Variants in PPARGC1B observed in about 807,000 individuals in gnomAD.
PPARGC1B encodes the protein peroxisome proliferator-activated receptor gamma coactivator 1-beta.
In PPARGC1B, 34 loss-of-function variants were observed where a neutral mutation model predicts 101.6. The ratio of observed to expected loss-of-function variants is 0.33; its 90% CI spans 0.25 to 0.45. The LOEUF is 0.45. PPARGC1B is among the 20% of genes least tolerant of loss of function. The probability of loss-of-function intolerance (pLI) is 1.00; values close to 1 mark genes in which losing one functional copy is unlikely to be tolerated. For missense variants in PPARGC1B, 1,234 were observed against 1,317.6 expected, an observed-to-expected ratio of 0.94 and a Z score of 0.98; for synonymous variants, 548 against 539.3, an observed-to-expected ratio of 1.02 and a Z score of -0.22.
chr5:149,743,205 G>C (rs1163763956), intron 1 of PPARGC1B, among the ~76,000 whole-genome samples: 1 of 150,532 alleles, frequency 6.6e-6, no homozygotes, highest in Non-Finnish European at 1.5e-5. Context: ...GCCCAGGCTG[G>C]AGTGCAGTGG....
Position 149,833,350 on chromosome 5 carries a change from T to A in PPARGC1B, c.1277T>A (p.Leu426Gln), listed in dbSNP as rs762077628. ...AGGGAGGTCCGCCGGCCTGCCAGAC[T>A]GCAGCAGCAGGAGGAGGAAGACGAG... Reference protein sequence around the residue: ...VKREVRRPARLQQQEEEDEEE... With the variant: ...VKREVRRPARQQQQEEEDEEE... The change falls in exon 5 of 12, where the codon CTG (leucine) becomes CAG (glutamine). Residue 426 changes from leucine to glutamine, a missense_variant. By Grantham distance (113) the Leu-to-Gln change is moderately radical (BLOSUM62 -2). Coordinates refer to ENST00000309241, the MANE Select transcript of PPARGC1B (RefSeq NM_133263.4). This position sits in a 1 kb window ranked among gnomAD's most constrained non-coding sequence, Gnocchi z 4.1. 1 of 1,613,122 alleles carries A rather than the reference T, an allele frequency of 6.2e-7. No homozygotes were observed. Among genetic ancestry groups the A allele is most frequent in the South Asian group, 1.1e-5 (1 of 91,044 alleles).
chr5:149,755,889 C>G (rs1201016720), intron 1 of PPARGC1B, among the ~76,000 whole-genome samples: 1 of 152,046 alleles, frequency 6.6e-6, no homozygotes, highest in African/African-American at 2.4e-5. Context: ...GGTAATCCAC[C>G]CGCCTTGGCC....
intron 1 of PPARGC1B, among the ~76,000 whole-genome samples, chr5:149,738,028 C>A (rs938006546): frequency 6.6e-6 from 1 of 152,064 alleles, no homozygotes; most frequent in African/African-American, 2.4e-5. Context: ...CAGTGAAAAT[C>A]GAATGACAAC....
At chr5:149,842,630 G>T (rs888583008) in intron 10 of PPARGC1B, among the ~76,000 whole-genome samples, 3 of 152,240 alleles carry the variant, frequency 2.0e-5, no homozygotes, top group Non-Finnish European at 4.4e-5. Flanking sequence ...TTCCCAGCAC[G>T]CCAGGGACAT....
At chr5:149,767,719 C>T (rs1755964143) in intron 1 of PPARGC1B, among the ~76,000 whole-genome samples, 1 of 152,054 alleles carries the variant, frequency 6.6e-6, no homozygotes, top group South Asian at 2.1e-4. Flanking sequence ...GGCAGGATCA[C>T]TGAGCTGGAC....
At chr5:149,817,863 G>A (rs186566542) in intron 1 of PPARGC1B, 19 of 456,028 alleles carry the variant, frequency 4.2e-5, no homozygotes, top group Admixed American at 1.4e-4. Context: ...AGTTTCACTC[G>A]TAGGTATTTA....
At chr5:149,783,463 T>C (rs965273377) in intron 1 of PPARGC1B, among the ~76,000 whole-genome samples, 1 of 152,142 alleles carries the variant, frequency 6.6e-6, no homozygotes, top group Non-Finnish European at 1.5e-5. Flanking sequence ...CTCACAGGGA[T>C]GTTTTGAGTA....
At chr5:149,750,481 TATA>T in intron 1 of PPARGC1B, among the ~76,000 whole-genome samples, 1 of 122,082 alleles carries the variant, frequency 8.2e-6, no homozygotes. Context: ...TATATATATA[TATA>T]TATATGTTAA....
At chr5:149,810,728 C>A (rs1399526209) in intron 1 of PPARGC1B, among the ~76,000 whole-genome samples, 2 of 152,142 alleles carry the variant, frequency 1.3e-5, no homozygotes, top group Non-Finnish European at 2.9e-5. Context: ...CTGGTCTGGA[C>A]AGGTCACACG....
chr5:149,747,954 G>A (rs1047178536), intron 1 of PPARGC1B, among the ~76,000 whole-genome samples: 1 of 152,156 alleles, frequency 6.6e-6, no homozygotes, highest in African/African-American at 2.4e-5. Context: ...GAGCAGGGTG[G>A]GGTTGAGGAG....
downstream of PPARGC1B, among the ~76,000 whole-genome samples, chr5:149,855,893 G>T (rs932806070): frequency 1.3e-5 from 2 of 152,106 alleles, no homozygotes; most frequent in Non-Finnish European, 2.9e-5. Flanking sequence ...GAGGCGGGCG[G>T]ATCACCTGAG....
In PPARGC1B at chr5:149,796,834, C is replaced by A. The variant is rs147831756; in HGVS notation, c.79-23599C>A. Among the ~76,000 whole-genome samples the A allele has an allele frequency of 4.4e-3, 665 of 152,192 alleles. 4 individuals are homozygous for A. Among genetic ancestry groups the A allele is most frequent in the African/African-American group, 0.016 (645 of 41,514 alleles). On this transcript the variant is annotated intron_variant, in intron 1 of 11. Coordinates refer to ENST00000309241, the MANE Select transcript of PPARGC1B (RefSeq NM_133263.4). ...AACTGGTTTGGGTGGAAATAGAATT[C>A]CATTTGGATCTAAGGAGGAGATGCT...
intron 1 of PPARGC1B, among the ~76,000 whole-genome samples, chr5:149,789,616 C>G (rs1756942200): frequency 6.6e-6 from 1 of 152,142 alleles, no homozygotes; most frequent in Admixed American, 6.6e-5. Flanking sequence ...GAAGTAGTTC[C>G]TATTGTTATC....
chr5:149,775,611 T>A (rs1453374545), intron 1 of PPARGC1B, among the ~76,000 whole-genome samples: 1 of 152,178 alleles, frequency 6.6e-6, no homozygotes, highest in Non-Finnish European at 1.5e-5. Context: ...TCCCAATTAA[T>A]TGAAGCTGAC....
chr5:149,778,138 G>T (rs1756462661), intron 1 of PPARGC1B, among the ~76,000 whole-genome samples: 1 of 121,706 alleles, frequency 8.2e-6, no homozygotes, highest in African/African-American at 3.2e-5. Flanking sequence ...ACATTCCATG[G>T]AGCAGCAACA....
chr5:149,784,594 G>T, intron 1 of PPARGC1B, among the ~76,000 whole-genome samples: 1 of 102,482 alleles, frequency 9.8e-6, no homozygotes, highest in Non-Finnish European at 2.0e-5. Flanking sequence ...CTGAGGTGGA[G>T]TCTCGCTCTG....
chr5:149,797,648 C>T (rs1307315817), intron 1 of PPARGC1B, among the ~76,000 whole-genome samples: 12 of 152,148 alleles, frequency 7.9e-5, no homozygotes, highest in Admixed American at 3.3e-4. Flanking sequence ...CGGCTGGGCG[C>T]GGTGGCTCAC....
intron 1 of PPARGC1B, among the ~76,000 whole-genome samples, chr5:149,735,969 C>G (rs1032704257): frequency 2.6e-5 from 4 of 152,126 alleles, no homozygotes; most frequent in African/African-American, 9.7e-5. Context: ...ACTAAAAATA[C>G]AAAAATTAGC....
At chr5:149,843,469 G>A (rs1353929343) in intron 10 of PPARGC1B, among the ~76,000 whole-genome samples, 4 of 152,178 alleles carry the variant, frequency 2.6e-5, no homozygotes, top group African/African-American at 4.8e-5. Flanking sequence ...CATTAGGATG[G>A]CCACTATCAA....
Sources: gnomAD v4.1 joint callset for allele counts (sites outside exome capture counted in the v4.1 genomes callset) on GRCh38, gnomAD v4.1.1 for gene constraint, Gnocchi (gnomAD v3.1) non-coding constraint, MANE v1.5 for transcripts, NCBI Gene and HGNC (gene_info 2026-07-23, HGNC 2026-07-21) for gene names.